Variants in CA10 observed in about 807,000 individuals in gnomAD.
CA10 encodes the protein carbonic anhydrase-related protein 10.
In CA10, 14 loss-of-function variants were observed where a neutral mutation model predicts 44.2. That is an observed-to-expected ratio of 0.32 (90% confidence interval 0.21 to 0.50). The LOEUF (loss-of-function observed/expected upper bound fraction) is 0.50, where lower values mean the gene tolerates loss of function less well. Ranked by LOEUF, CA10 falls within the 20% of genes least tolerant of loss-of-function variation. The pLI, the probability that CA10 is intolerant of heterozygous loss-of-function variation, is 0.99. For missense variants in CA10, 350 were observed against 409.7 expected (o/e 0.85, Z 1.26); for synonymous variants, 159 against 141.6 (o/e 1.12, Z -0.87).
chr17:51,687,125 T>G (rs1375169025), intron 4 of CA10, among the ~76,000 whole-genome samples: 2 of 152,220 alleles, frequency 1.3e-5, no homozygotes, highest in Non-Finnish European at 2.9e-5. Flanking sequence ...CTCAATGACT[T>G]TCTACATCTT....
chr17:51,948,979 T>C (rs1983384817), intron 2 of CA10, among the ~76,000 whole-genome samples: 1 of 152,132 alleles, frequency 6.6e-6, no homozygotes, highest in African/African-American at 2.4e-5. Context: ...ATAACAGCAG[T>C]GATTTTTTAT....
intron 1 of CA10, among the ~76,000 whole-genome samples, chr17:52,135,913 T>C (rs1380186807): frequency 6.6e-6 from 1 of 152,224 alleles, no homozygotes. Flanking sequence ...TTAATAATCA[T>C]GCTTATTATC....
At chr17:51,777,468 G>A (rs1905868239) in intron 3 of CA10, among the ~76,000 whole-genome samples, 1 of 152,158 alleles carries the variant, frequency 6.6e-6, no homozygotes, top group Non-Finnish European at 1.5e-5. Flanking sequence ...GTTCTGCTGA[G>A]CCCACTACAG....
chr17:52,062,663 C>A (rs1422916109), intron 2 of CA10, among the ~76,000 whole-genome samples: 1 of 152,162 alleles, frequency 6.6e-6, no homozygotes, highest in Non-Finnish European at 1.5e-5. Context: ...AGCTGGTGCT[C>A]CAGAGGGTGC....
intron 1 of CA10, among the ~76,000 whole-genome samples, chr17:52,145,180 C>A (rs1989558060): frequency 6.6e-6 from 1 of 152,118 alleles, no homozygotes; most frequent in Admixed American, 6.5e-5. Context: ...ATATGATTGC[C>A]CATATAGAAA....
chr17:52,031,145 G>T, intron 2 of CA10, among the ~76,000 whole-genome samples: 1 of 148,156 alleles, frequency 6.7e-6, no homozygotes, highest in East Asian at 2.2e-4. Context: ...GGTTGGCAAT[G>T]ACTTCAACTC....
rs116168008 is a variant in CA10 at position 51,637,493 on chromosome 17, G to A, written c.635-1484C>T. Among the ~76,000 whole-genome samples, 932 of 152,318 alleles carry A rather than the reference G, an allele frequency of 6.1e-3. 10 individuals carry two copies. The highest frequency in any genetic ancestry group is 0.022 in the African/African-American group (906 of 41,556). On this transcript the variant is annotated intron_variant, in intron 6 of 8. Transcript: ENST00000451037. ...GCAGGGTCCCAAAGCCTGGCTGGCC[G>A]AGGGATGAGACTGACTCTCCAGCCC...
chr17:51,658,753 G>T (rs924532780), intron 4 of CA10, among the ~76,000 whole-genome samples: 24 of 152,166 alleles, frequency 1.6e-4, no homozygotes, highest in African/African-American at 5.5e-4. Flanking sequence ...GTGCATTTTT[G>T]AAAGATCTCT....
intron 3 of CA10, among the ~76,000 whole-genome samples, chr17:51,847,699 C>A (rs566225808): frequency 2.0e-4 from 30 of 152,204 alleles, no homozygotes; most frequent in Non-Finnish European, 3.7e-4. Context: ...GTGCAGCATG[C>A]TGGGGTAAAT....
intron 3 of CA10, among the ~76,000 whole-genome samples, chr17:51,859,175 T>C (rs557419961): frequency 2.0e-5 from 3 of 152,310 alleles, no homozygotes; most frequent in East Asian, 1.9e-4. Context: ...GGCAGAGTTC[T>C]TCAATCTGTG....
chr17:51,636,602 C>T (rs1912837563), intron 6 of CA10, among the ~76,000 whole-genome samples: 1 of 152,076 alleles, frequency 6.6e-6, no homozygotes, highest in South Asian at 2.1e-4. Flanking sequence ...GATCTGGACT[C>T]CTAGGCATTA....
intron 2 of CA10, among the ~76,000 whole-genome samples, chr17:51,976,837 C>T (rs868489989): frequency 1.4e-4 from 21 of 151,668 alleles, no homozygotes; most frequent in African/African-American, 3.1e-4. Context: ...AAACTCATCA[C>T]GATGAAAAGG....
intron 3 of CA10, among the ~76,000 whole-genome samples, chr17:51,785,606 G>A (rs1906239134): frequency 6.6e-6 from 1 of 152,114 alleles, no homozygotes. Flanking sequence ...GAACAGTTTG[G>A]AGGTTCCTCA....
rs752001458 is a variant in CA10 at position 52,051,016 on chromosome 17, C to CGAAG, written c.136+21299_136+21302dup. ...GGGAAGGAAGGAAGGAAGGAAGGAA[C>CGAAG]GAAGGAAGGAAGGAAGGGAAGGAAA... On this transcript the variant is annotated intron_variant, in intron 2 of 8. Transcript: ENST00000451037. Among the ~76,000 whole-genome samples, 107 of 110,132 alleles carry CGAAG rather than the reference C, an allele frequency of 9.7e-4. 1 individual carries two copies. The East Asian group carries it at 0.021, about 21-fold the overall frequency. 72.3% of individuals were successfully genotyped at this position (110,132 alleles called of 152,430 possible). A position where few individuals can be genotyped will look rare whatever the true frequency, so the allele number is the denominator to read the frequency against.
chr17:51,786,966 A>G (rs1027203133), intron 3 of CA10, among the ~76,000 whole-genome samples: 2 of 152,114 alleles, frequency 1.3e-5, no homozygotes, highest in Non-Finnish European at 2.9e-5. Context: ...TGTTGACATG[A>G]TGTATTATAC....
intron 3 of CA10, among the ~76,000 whole-genome samples, chr17:51,908,860 G>A (rs965808297): frequency 6.6e-6 from 1 of 152,142 alleles, no homozygotes; most frequent in African/African-American, 2.4e-5. Context: ...GGAAAGCCAT[G>A]GACTGTAACA....
chr17:51,932,160 G>A (rs1427920476), intron 2 of CA10, among the ~76,000 whole-genome samples: 1 of 152,078 alleles, frequency 6.6e-6, no homozygotes, highest in East Asian at 1.9e-4. Flanking sequence ...AGGCTCACTA[G>A]TGTGAGGTCG....
At chr17:51,650,976 C>T (rs1347937129) in intron 5 of CA10, among the ~76,000 whole-genome samples, 1 of 152,116 alleles carries the variant, frequency 6.6e-6, no homozygotes, top group Non-Finnish European at 1.5e-5. Flanking sequence ...CAATTACAGC[C>T]AAATCTCAGT....
intron 2 of CA10, among the ~76,000 whole-genome samples, chr17:52,070,841 G>A (rs923942235): frequency 6.6e-6 from 1 of 152,110 alleles, no homozygotes; most frequent in African/African-American, 2.4e-5. Context: ...TGACCACCCA[G>A]TTCTACCCAT....
Sources: gnomAD v4.1 joint callset for allele counts (sites outside exome capture counted in the v4.1 genomes callset) on GRCh38, gnomAD v4.1.1 for gene constraint, MANE v1.5 for transcripts, NCBI Gene and HGNC (gene_info 2026-07-23, HGNC 2026-07-21) for gene names.